Variants in AP2A2 observed in about 807,000 individuals in gnomAD.
AP2A2 encodes the protein adaptor related protein complex 2 subunit alpha 2.
Under a neutral mutation model 104.2 loss-of-function variants are expected in AP2A2, and 32 were observed. That is an observed-to-expected ratio of 0.31 (90% CI 0.23 to 0.41). The LOEUF is 0.41. Ranked by LOEUF, AP2A2 falls within the 10% of genes least tolerant of loss-of-function variation. The pLI is 1.00. For synonymous variants in AP2A2, 539 were observed against 533.3 expected, an observed-to-expected ratio of 1.01 and a Z score of -0.15; for missense variants, 912 against 1,261.0, an observed-to-expected ratio of 0.72 and a Z score of 4.19.
intron 1 of AP2A2, among the ~76,000 whole-genome samples, chr11:934,849 GTTTCT>G (rs1008052183): frequency 4.6e-5 from 7 of 151,166 alleles, no homozygotes; most frequent in African/African-American, 1.7e-4. Flanking sequence ...GCAAGTACGT[GTTTCT>G]TTTCTTTTCT....
chr11:976,797 TAAC>T (rs963222960), intron 4 of AP2A2, among the ~76,000 whole-genome samples: 9 of 152,198 alleles, frequency 5.9e-5, no homozygotes, highest in East Asian at 3.9e-4. Flanking sequence ...TATTAAGTTG[TAAC>T]AACAACAACA....
At chr11:983,560 T>C (rs1196512137) in intron 6 of AP2A2, among the ~76,000 whole-genome samples, 2 of 145,154 alleles carry the variant, frequency 1.4e-5, no homozygotes, top group Non-Finnish European at 3.0e-5. Flanking sequence ...TTTTTTGTAT[T>C]TTTTAGTAGA....
chr11:995,092 C>T (rs182294533), intron 14 of AP2A2, among the ~76,000 whole-genome samples: 4 of 152,296 alleles, frequency 2.6e-5, no homozygotes, highest in Admixed American at 6.5e-5. Context: ...TTCAGACCGT[C>T]GTCTTGTCCA....
chr11:939,500 A>G (rs11246350), intron 1 of AP2A2, among the ~76,000 whole-genome samples: 72,302 of 151,294 alleles, frequency 0.48, 18,134 homozygotes, highest in Middle Eastern at 0.65. Flanking sequence ...GCTGGAGTAC[A>G]GTGGTGGGAT....
At chr11:985,327 A>G (rs1297059512) in intron 7 of AP2A2, 108 bp from the exon 8 acceptor site, 2 of 1,383,330 alleles carry the variant, frequency 1.4e-6, no homozygotes, top group East Asian at 2.3e-5. Context: ...ACAAATGTGA[A>G]TGAACTATAT....
intron 1 of AP2A2, among the ~76,000 whole-genome samples, chr11:934,104 G>A (rs7396623): frequency 0.51 from 77,590 of 151,228 alleles, 20,434 homozygotes; most frequent in Middle Eastern, 0.66. Context: ...CCCATGCTAG[G>A]TTCTTTCTGC....
chr11:952,901 A>G (rs888642669), intron 1 of AP2A2, among the ~76,000 whole-genome samples: 1 of 152,090 alleles, frequency 6.6e-6, no homozygotes, highest in African/African-American at 2.4e-5. Flanking sequence ...CCTCTGCCTT[A>G]TGGAGATCAG....
chr11:974,151 C>T (rs928877075), intron 4 of AP2A2, among the ~76,000 whole-genome samples: 4 of 151,742 alleles, frequency 2.6e-5, no homozygotes, highest in African/African-American at 9.7e-5. Context: ...GAGCAGGTGG[C>T]CCGTGTTCTG....
At chr11:973,623 G>A (rs767266425) in intron 4 of AP2A2, among the ~76,000 whole-genome samples, 7 of 147,316 alleles carry the variant, frequency 4.8e-5, no homozygotes, top group Non-Finnish European at 9.0e-5. Context: ...GCATGTGGGC[G>A]CCCCGAAAAC....
At chr11:995,472 C>T in intron 14 of AP2A2, 1 of 455,080 alleles carries the variant, frequency 2.2e-6, no homozygotes, top group Admixed American at 2.4e-5. Flanking sequence ...ACCTGTCTCT[C>T]CAGGACGCAG....
Position 1,010,874 on chromosome 11 carries a change from A to G in AP2A2, c.*249A>G, listed in dbSNP as rs995566071. 10 of 633,920 alleles carry G rather than the reference A, an allele frequency of 1.6e-5. No homozygotes were observed. Among genetic ancestry groups the G allele is most frequent in the African/African-American group, 3.6e-5 (2 of 55,124 alleles). 39.3% of individuals were successfully genotyped at this position (633,920 alleles called of 1,614,324 possible). A position where few individuals can be genotyped will look rare whatever the true frequency, so the allele number is the denominator to read the frequency against. ...GATCTTGGGATCAATTTTTATAAAA[A>G]TCGAGACAGTTCTGTGGTTAAATCT... On this transcript the variant is annotated 3_prime_UTR_variant, in exon 22 of 22. Coordinates refer to ENST00000448903, the MANE Select transcript of AP2A2 (RefSeq NM_012305.4).
chr11:1,010,428 T>C (rs974372809), intron 21 of AP2A2, 120 bp from the exon 22 acceptor site: 14 of 735,720 alleles, frequency 1.9e-5, no homozygotes, highest in African/African-American at 1.6e-4. Context: ...TGCCGAGTTG[T>C]GGGTGCCTCC....
chr11:965,236 C>T (rs1589972964), intron 2 of AP2A2, among the ~76,000 whole-genome samples: 4 of 144,766 alleles, frequency 2.8e-5, no homozygotes, highest in African/African-American at 5.2e-5. Flanking sequence ...AAGCATGGAA[C>T]GGGCGGGAAA....
At chr11:979,277 C>T (rs978638425) in intron 5 of AP2A2, among the ~76,000 whole-genome samples, 1 of 150,452 alleles carries the variant, frequency 6.6e-6, no homozygotes, top group Non-Finnish European at 1.5e-5. Context: ...CATTCAGGAG[C>T]CCCGTGGGGA....
At chr11:1,001,403 G>C (rs914080088) in intron 15 of AP2A2, 1 of 152,416 alleles carries the variant, frequency 6.6e-6, no homozygotes, top group Non-Finnish European at 1.5e-5. Flanking sequence ...CTGCTGCCCT[G>C]TGGGGTGGGA....
chr11:938,837 A>T (rs1853551935), intron 1 of AP2A2, among the ~76,000 whole-genome samples: 1 of 152,102 alleles, frequency 6.6e-6, no homozygotes, highest in Admixed American at 6.6e-5. Context: ...GAAAATGTTG[A>T]TATGTTTATT....
chr11:959,489 C>T lies in AP2A2; in HGVS notation c.120C>T (p.Ile40=). Residue 40 remains isoleucine (I), a synonymous_variant, in exon 2 of 22, where the codon ATC becomes ATT. Transcript: ENST00000448903. ...IKRINKELAN[I]RSKFKGDKAL... ...GGATAAACAAGGAACTGGCAAATATCAGATCAAAATTTAAAGGTAAGTATG... is the reference window on the plus strand; with the variant it reads ...GGATAAACAAGGAACTGGCAAATATTAGATCAAAATTTAAAGGTAAGTATG... 1 of 1,555,490 alleles carries T rather than the reference C, an allele frequency of 6.4e-7. No individual in the cohort carries two copies. Among genetic ancestry groups the T allele is most frequent in the Non-Finnish European group, 8.8e-7 (1 of 1,130,974 alleles).
chr11:967,039 T>A (rs1279746374), intron 2 of AP2A2, among the ~76,000 whole-genome samples: 2 of 151,950 alleles, frequency 1.3e-5, no homozygotes, highest in African/African-American at 4.8e-5. Flanking sequence ...TGGTGGCGTG[T>A]GCCTGTAATC....
chr11:940,973 C>T lies in AP2A2; in HGVS notation c.67+14885C>T, dbSNP rs189541132. 1.1e-3 allele frequency: 515 copies of T among 455,434 alleles called. 3 individuals carry two copies. Among genetic ancestry groups the T allele is most frequent in the South Asian group, 3.1e-3 (197 of 64,466 alleles). 28.2% of individuals were successfully genotyped at this position (455,434 alleles called of 1,614,324 possible). A position where few individuals can be genotyped will look rare whatever the true frequency, so the allele number is the denominator to read the frequency against. ...TCACCCCTCGGGGAGTCTGTCACTG[C>T]GCTGTGCTGCTCTCACGAGGCCCCT... On this transcript the variant is annotated intron_variant, in intron 1 of 21. Transcript: ENST00000448903.
Sources: allele counts gnomAD v4.1 joint callset (sites outside exome capture counted in the v4.1 genomes callset), GRCh38; gene constraint gnomAD v4.1.1; transcripts MANE v1.5; gene names NCBI Gene and HGNC (gene_info 2026-07-23, HGNC 2026-07-21).